Variants in PKHD1L1 observed in about 807,000 individuals in gnomAD.
The protein encoded by PKHD1L1 is PKHD1 like 1, also known as fibrocystin-L.
In PKHD1L1, 434 loss-of-function variants were observed where a neutral mutation model predicts 462.9. The observed-to-expected ratio is 0.94, with a 90% CI of 0.87 to 1.02. The LOEUF (loss-of-function observed/expected upper bound fraction) is 1.02. Ranked by LOEUF, PKHD1L1 falls within the 50% of genes least tolerant of loss-of-function variation. The probability of loss-of-function intolerance (pLI) is 0.00; values close to 1 mark genes in which losing one functional copy is unlikely to be tolerated. For missense variants in PKHD1L1, 5,202 were observed against 5,096.1 expected, an observed-to-expected ratio of 1.02 and a Z score of -0.63; for synonymous variants, 1,781 against 1,750.0, an observed-to-expected ratio of 1.02 and a Z score of -0.44.
At chr8:109,519,204 T>G (rs2131018101) in intron 73 of PKHD1L1, among the ~76,000 whole-genome samples, 1 of 152,232 alleles carries the variant, frequency 6.6e-6, no homozygotes, top group Non-Finnish European at 1.5e-5. Context: ...ATCCCCTCTC[T>G]GTGTCCCTCA....
At position 109,382,487 on chromosome 8, in the gene PKHD1L1, T is replaced by C. The variant is rs890927696; in HGVS notation, c.333T>C (p.Thr111=). The C allele has an allele frequency of 3.7e-6, 6 of 1,610,774 alleles. No homozygotes were observed. In the African/African-American group the frequency reaches 4.0e-5, roughly 11 times the overall value. ...GAGCAATGCCGGAAGATTCCTACAC[T>C]GTTAGAGTCAGTGTGGACGGGGTTC... ...YTRAMPEDSY[T]VRVSVDGVPV... Residue 111 remains threonine (T), a synonymous_variant, in exon 4 of 78, where the codon ACT becomes ACC. Transcript: ENST00000378402.
In PKHD1L1 at chr8:109,477,223, A is replaced by G; in HGVS notation, c.8918-2A>G. The G allele has an allele frequency of 6.2e-7, 1 of 1,612,922 alleles. No individual in the cohort carries two copies. ...TTTAACCCACTTTTACTTCACTTTCAGTGTCAGGAAGAAATGACCTTCATC... is the reference window on the plus strand; with the variant it reads ...TTTAACCCACTTTTACTTCACTTTCGGTGTCAGGAAGAAATGACCTTCATC... On this transcript the variant is annotated splice_acceptor_variant, in intron 52 of 77. Transcript: ENST00000378402. LOFTEE classifies it high-confidence loss of function.
At position 109,480,026 on chromosome 8, in the gene PKHD1L1, A is replaced by G. The variant is rs767546014; in HGVS notation, c.9214A>G (p.Met3072Val). 15 of 1,593,552 alleles carry G rather than the reference A, an allele frequency of 9.4e-6. No individual in the cohort carries two copies. The highest frequency in any genetic ancestry group is 6.7e-5 in the East Asian group (3 of 44,514). The change falls in exon 55 of 78, where the codon ATG becomes GTG. Residue 3072 changes from methionine (M) to valine (V), a missense_variant. Physicochemically the swap from Met to Val is conservative, Grantham distance 21. Transcript: ENST00000378402. ...WIVADIDMPS[M>V]ERLIIWGVLE... ...TGTAGCTGACATAGATATGCCATCA[A>G]TGGAAAGACTCATTATTTGGGGGGT...
intron 70 of PKHD1L1, among the ~76,000 whole-genome samples, chr8:109,509,327 A>G (rs1819857598): frequency 6.6e-6 from 1 of 151,966 alleles, no homozygotes; most frequent in Non-Finnish European, 1.5e-5. Flanking sequence ...ATCTTTCCCA[A>G]TAGCTCTGTT....
rs1812583491 is a variant in PKHD1L1, at chr8:109,389,122, A to G, written c.667A>G (p.Met223Val). The change falls in exon 8 of 78, where the codon ATG becomes GTG. Residue 223 changes from methionine (M) to valine (V), a missense_variant. Transcript: ENST00000378402. ...LDHPNGDMGS[M>V]VCKTTGTFIG... ...TCATCCAAATGGAGATATGGGTTCTATGGTTTGTAAGACGACTGGAACTTT... is the reference window on the plus strand; with the variant it reads ...TCATCCAAATGGAGATATGGGTTCTGTGGTTTGTAAGACGACTGGAACTTT... 1 of 1,611,032 alleles carries G rather than the reference A, an allele frequency of 6.2e-7. No individual in the cohort carries two copies.
At chr8:109,362,796 G>T in intron 1 of PKHD1L1, 143 bp downstream of exon 1, 2 of 841,602 alleles carry the variant, frequency 2.4e-6, no homozygotes. Context: ...CTGGGGACCA[G>T]GGGAGCTGGA....
rs1821052683 is a variant in PKHD1L1, at chr8:109,532,038, A to G, written c.*1948A>G. 3.9e-5 allele frequency among the ~76,000 whole-genome samples: 6 copies of G among 152,360 alleles called. No individual in the cohort carries two copies. The South Asian group carries it at 1.2e-3, about 32-fold the overall frequency. On this transcript the variant is annotated 3_prime_UTR_variant, in exon 78 of 78. Coordinates refer to ENST00000378402, the MANE Select transcript of PKHD1L1 (RefSeq NM_177531.6). ...CAAATTCCTACATTTGGGTTCTGGA[A>G]GAGATACAAAAATATTCTTCACACC... is the stretch of plus-strand genomic sequence containing the variant.
At position 109,511,110 on chromosome 8, in the gene PKHD1L1, A is replaced by G. The variant is rs75699086; in HGVS notation, c.11553+176A>G. Among the ~76,000 whole-genome samples, 13 of 152,284 alleles carry G rather than the reference A, an allele frequency of 8.5e-5. No homozygotes were observed. In the East Asian group the frequency reaches 2.1e-3, roughly 25 times the overall value. On this transcript the variant is annotated intron_variant, in intron 71 of 77. Coordinates refer to ENST00000378402, the MANE Select transcript of PKHD1L1 (RefSeq NM_177531.6). ...GCCTAGACAGTTTTCATCAACCTGA[A>G]GGTACAAGTACCAAGCATCACCATC...
intron 17 of PKHD1L1, 136 bp downstream of exon 17, chr8:109,406,614 G>C: frequency 9.7e-7 from 1 of 1,030,106 alleles, no homozygotes; most frequent in Non-Finnish European, 1.3e-6. Flanking sequence ...TTTTTTCTAC[G>C]GTAATTTAAA....
chr8:109,516,212 T>C (rs983641798), intron 72 of PKHD1L1, among the ~76,000 whole-genome samples: 1 of 152,122 alleles, frequency 6.6e-6, no homozygotes, highest in East Asian at 1.9e-4. Flanking sequence ...TTTGCCAAGA[T>C]AGTGGTCTTA....
In PKHD1L1 at chr8:109,445,570, A is replaced by T. The variant is rs753327319; in HGVS notation, c.5701A>T (p.Ile1901Phe). ...MVDVKIFVNT[I>F]AYPPLLFTYA... ...CGATGTTAAAATCTTTGTTAATACAATTGCTTATCCACCTTTGCTTTTTAC... is the reference window on the plus strand; with the variant it reads ...CGATGTTAAAATCTTTGTTAATACATTTGCTTATCCACCTTTGCTTTTTAC... The change falls in exon 38 of 78, where the codon ATT becomes TTT. Residue 1901 changes from isoleucine (I) to phenylalanine (F), a missense_variant. By Grantham distance (21) the Ile-to-Phe change is conservative (BLOSUM62 0). Coordinates refer to ENST00000378402, the MANE Select transcript of PKHD1L1 (RefSeq NM_177531.6). 6.2e-7 allele frequency: 1 copy of T among 1,611,824 alleles called. No individual in the cohort carries two copies. Among genetic ancestry groups the T allele is most frequent in the East Asian group, 2.2e-5 (1 of 44,864 alleles).
chr8:109,486,606 C>T (rs770545155), intron 58 of PKHD1L1, 42 bp from the exon 59 acceptor site: 81 of 1,579,538 alleles, frequency 5.1e-5, no homozygotes, highest in Non-Finnish European at 7.0e-5. Flanking sequence ...AAGACAGATA[C>T]TTCTCAGCAT....
intron 8 of PKHD1L1, among the ~76,000 whole-genome samples, chr8:109,389,898 T>C (rs1355659566): frequency 1.3e-5 from 2 of 152,128 alleles, no homozygotes. Context: ...ATCCTGAACA[T>C]TTCAGATAAA....
chr8:109,451,194 T>A, intron 41 of PKHD1L1, 45 bp downstream of exon 41: 1 of 1,532,568 alleles, frequency 6.5e-7, no homozygotes, highest in Non-Finnish European at 8.8e-7. Flanking sequence ...TTTCCAGACT[T>A]GAGCCATTAC....
At chr8:109,414,543 G>T (rs1814030857) in intron 21 of PKHD1L1, among the ~76,000 whole-genome samples, 1 of 151,232 alleles carries the variant, frequency 6.6e-6, no homozygotes, top group Admixed American at 6.6e-5. Flanking sequence ...ATTTTATATG[G>T]GTCTATACAG....
At chr8:109,463,791 G>A (rs1817264990) in intron 48 of PKHD1L1, among the ~76,000 whole-genome samples, 1 of 152,116 alleles carries the variant, frequency 6.6e-6, no homozygotes, top group African/African-American at 2.4e-5. Context: ...TACTTTAGGG[G>A]ATTATGGCAA....
intron 77 of PKHD1L1, among the ~76,000 whole-genome samples, chr8:109,528,933 T>C (rs569586422): frequency 1.3e-5 from 2 of 152,224 alleles, no homozygotes; most frequent in East Asian, 3.9e-4. Context: ...AACATATTAA[T>C]CAGTTTGCAA....
chr8:109,532,817 C>T lies in PKHD1L1; in HGVS notation c.*2727C>T, dbSNP rs924113070. 7.9e-5 allele frequency among the ~76,000 whole-genome samples: 12 copies of T among 152,096 alleles called. No individual in the cohort carries two copies. Among genetic ancestry groups the T allele is most frequent in the Non-Finnish European group, 1.5e-4 (10 of 68,016 alleles). On this transcript the variant is annotated 3_prime_UTR_variant, in exon 78 of 78. Transcript: ENST00000378402. ...GGTCCATCTGTTTTTACCTTTTATC[C>T]ATTTTATCCCCAAAAGTGCTATTTA...
intron 9 of PKHD1L1, 92 bp downstream of exon 9, chr8:109,390,586 G>T (rs937582655): frequency 2.9e-6 from 2 of 681,036 alleles, no homozygotes; most frequent in South Asian, 3.8e-5. Context: ...AGATGCAGAG[G>T]TTTAAAAATT....
Sources: gnomAD v4.1 joint callset for allele counts (sites outside exome capture counted in the v4.1 genomes callset) on GRCh38, gnomAD v4.1.1 for gene constraint, MANE v1.5 for transcripts, NCBI Gene and HGNC (gene_info 2026-07-23, HGNC 2026-07-21) for gene names.